The following PYHIN1 variants were observed in gnomAD, a reference collection of about 807,000 sequenced individuals.
The protein encoded by PYHIN1 is pyrin and HIN domain-containing protein 1.
Under a neutral mutation model 43.7 loss-of-function variants are expected in PYHIN1, and 32 were observed. The observed-to-expected ratio is 0.73, with a 90% CI of 0.55 to 0.98. The LOEUF (loss-of-function observed/expected upper bound fraction) is 0.98, where lower values mean the gene tolerates loss of function less well. Ranked by LOEUF, PYHIN1 falls within the 50% of genes least tolerant of loss-of-function variation. The probability of loss-of-function intolerance (pLI) is 0.00; values close to 1 mark genes in which losing one functional copy is unlikely to be tolerated. For missense variants in PYHIN1, 588 were observed against 589.5 expected, an observed-to-expected ratio of 1.00 and a Z score of 0.03; for synonymous variants, 205 against 203.1, an observed-to-expected ratio of 1.01 and a Z score of -0.08.
At chr1:158,938,375 A>T in intron 2 of PYHIN1, 22 bp from the exon 3 acceptor site, 9 of 1,613,866 alleles carry the variant, frequency 5.6e-6, no homozygotes, top group Non-Finnish European at 6.8e-6. Flanking sequence ...GGGTTTATAC[A>T]TCTTCCTTTT....
chr1:158,939,000 A>T, intron 3 of PYHIN1, 80 bp from the exon 4 acceptor site: 1 of 1,099,008 alleles, frequency 9.1e-7, no homozygotes, highest in Non-Finnish European at 1.3e-6. Flanking sequence ...TATACAATAA[A>T]TATATTACCT....
Position 158,944,906 on chromosome 1 carries a change from A to C in PYHIN1, c.1223A>C (p.Asp408Ala). The part of the protein sequence containing the change: ...IQKNTNQRSH[D>A]SRSMALPQEQ... ...AAAAATACAAACCAGAGAAGCCATG[A>C]CTCCAGGAGCATGGCACTACCCCAG... is the stretch of plus-strand genomic sequence containing the variant. The change falls in exon 7 of 9, where the codon GAC (aspartate) becomes GCC (alanine). Residue 408 changes from aspartate to alanine, a missense_variant. Transcript: ENST00000368140. 1 of 1,597,270 alleles carries C rather than the reference A, an allele frequency of 6.3e-7. No individual in the cohort carries two copies. Among genetic ancestry groups the C allele is most frequent in the Non-Finnish European group, 8.5e-7 (1 of 1,172,080 alleles).
chr1:158,948,522 T>TA (rs1649347725), intron 7 of PYHIN1, among the ~76,000 whole-genome samples: 1 of 152,216 alleles, frequency 6.6e-6, no homozygotes, highest in Non-Finnish European at 1.5e-5. Context: ...CTCCCCCACA[T>TA]ATTCTAAGGC....
At chr1:158,969,837 A>G (rs1207189490) in intron 7 of PYHIN1, among the ~76,000 whole-genome samples, 5 of 130,036 alleles carry the variant, frequency 3.8e-5, no homozygotes, top group Non-Finnish European at 8.2e-5. Flanking sequence ...CATAGGAATT[A>G]TTCTGCTGTA....
intron 2 of PYHIN1, 30 bp from the exon 3 acceptor site, chr1:158,938,367 G>T: frequency 6.2e-7 from 1 of 1,613,382 alleles, no homozygotes; most frequent in Non-Finnish European, 8.5e-7. Context: ...TCTGCTCTGG[G>T]TTTATACATC....
rs574566404 is a variant in PYHIN1, at chr1:158,934,079, T to C, written c.-21+2303T>C. Among the ~76,000 whole-genome samples the C allele has an allele frequency of 3.1e-3, 478 of 152,246 alleles. 5 individuals are homozygous for C. Among genetic ancestry groups the C allele is most frequent in the Non-Finnish European group, 2.4e-3 (163 of 67,986 alleles). ...AATTATTTTTTCCTTCAAGACAAGA[T>C]GAGAGCATTTCTTTTGTACCTGGGG... On this transcript the variant is annotated intron_variant, in intron 1 of 8. Transcript: ENST00000368140.
downstream of PYHIN1, among the ~76,000 whole-genome samples, chr1:158,979,164 C>A (rs368878472): frequency 1.1e-3 from 161 of 152,258 alleles, 2 homozygotes; most frequent in African/African-American, 3.7e-3. Flanking sequence ...GATAAGAGCA[C>A]GTGAGATCAA....
intron 8 of PYHIN1, among the ~76,000 whole-genome samples, chr1:158,975,414 G>C (rs926482328): frequency 6.6e-6 from 1 of 151,982 alleles, no homozygotes; most frequent in Non-Finnish European, 1.5e-5. Context: ...GGGAAAAAAC[G>C]AAGCTATTAG....
intron 1 of PYHIN1, among the ~76,000 whole-genome samples, chr1:158,932,272 A>G (rs537737788): frequency 6.6e-6 from 1 of 152,260 alleles, no homozygotes; most frequent in South Asian, 2.1e-4. Context: ...ATATGGGCAC[A>G]AGATGGGAAC....
chr1:158,984,012 A>G, the PYHIN1 span, among the ~76,000 whole-genome samples: 1 of 114,582 alleles, frequency 8.7e-6, no homozygotes, highest in Non-Finnish European at 1.9e-5. Context: ...AATTGTATTT[A>G]TTTGGATCTT....
chr1:158,952,501 T>C (rs911585560), intron 7 of PYHIN1, among the ~76,000 whole-genome samples: 11 of 152,168 alleles, frequency 7.2e-5, no homozygotes, highest in African/African-American at 2.7e-4. Flanking sequence ...CCATTTTTTT[T>C]CCCATCTATT....
In PYHIN1 at chr1:158,943,973, A is replaced by G. The variant is rs746759529; in HGVS notation, c.1186A>G (p.Ile396Val). ...ACTGATGTCAGAAATGCATAGTTTC[A>G]TCCAGGTGAGAAATAAAGAAACAAA... is the stretch of plus-strand genomic sequence containing the variant. ...SKLMSEMHSF[I>V]QIQKNTNQRS... The change falls in exon 6 of 9, where the codon ATC (isoleucine) becomes GTC (valine). Residue 396 changes from isoleucine (I) to valine (V), a missense_variant. Ile to Val is a conservative substitution (Grantham distance 29, BLOSUM62 3). Coordinates refer to ENST00000368140, the MANE Select transcript of PYHIN1 (RefSeq NM_152501.5). 6.3e-7 allele frequency: 1 copy of G among 1,586,784 alleles called. No homozygotes were observed. Among genetic ancestry groups the G allele is most frequent in the Non-Finnish European group, 8.6e-7 (1 of 1,162,692 alleles).
At chr1:158,944,012 AAG>A in intron 6 of PYHIN1, 34 bp downstream of exon 6, 1 of 1,525,760 alleles carries the variant, frequency 6.6e-7, no homozygotes, top group Non-Finnish European at 8.9e-7. Flanking sequence ...TAGTTTTCCA[AAG>A]ATGAAAATCA....
At chr1:158,941,855 C>T in intron 4 of PYHIN1, 122 bp from the exon 5 acceptor site, 1 of 829,322 alleles carries the variant, frequency 1.2e-6, no homozygotes, top group African/African-American at 1.8e-5. Context: ...TGTATCCTGG[C>T]CCCAGCTCTA....
chr1:158,945,046 C>A lies in PYHIN1; in HGVS notation c.1359+4C>A. ...ATCCAGCAGTTCCTTCACCAAGGTA[C>A]AATATCCTGGGTCCCATGACTCTTA... On this transcript the variant is annotated splice_donor_region_variant and intron_variant, in intron 7 of 8. Transcript: ENST00000368140. 6.2e-7 allele frequency: 1 copy of A among 1,610,364 alleles called. No individual in the cohort carries two copies. Among genetic ancestry groups the A allele is most frequent in the Non-Finnish European group, 8.5e-7 (1 of 1,178,428 alleles).
intron 7 of PYHIN1, among the ~76,000 whole-genome samples, chr1:158,958,535 T>C (rs1650108240): frequency 7.0e-6 from 1 of 142,498 alleles, no homozygotes; most frequent in Admixed American, 7.6e-5. Flanking sequence ...ATATTCTCAC[T>C]CATAGGTAGG....
chr1:158,956,251 T>C (rs1649922763), intron 7 of PYHIN1, among the ~76,000 whole-genome samples: 1 of 151,864 alleles, frequency 6.6e-6, no homozygotes, highest in Admixed American at 6.6e-5. Flanking sequence ...TAACTCATTT[T>C]ATGAGGTCAG....
intron 7 of PYHIN1, among the ~76,000 whole-genome samples, chr1:158,970,762 AATG>A (rs1650888538): frequency 6.6e-6 from 1 of 152,010 alleles, no homozygotes; most frequent in African/African-American, 2.4e-5. Flanking sequence ...TGAAAATAAT[AATG>A]ATATTTCTTC....
downstream of PYHIN1, among the ~76,000 whole-genome samples, chr1:158,979,095 T>C (rs912753441): frequency 6.6e-6 from 1 of 152,158 alleles, no homozygotes; most frequent in African/African-American, 2.4e-5. Context: ...AATCCAACAC[T>C]GTTAGCAACA....
Sources: gnomAD v4.1 joint callset for allele counts (sites outside exome capture counted in the v4.1 genomes callset) on GRCh38, gnomAD v4.1.1 for gene constraint, MANE v1.5 for transcripts, NCBI Gene and HGNC (gene_info 2026-07-23, HGNC 2026-07-21) for gene names.